The following THADA variants were observed in gnomAD, a reference collection of about 807,000 sequenced individuals.
THADA encodes THADA armadillo repeat containing.
THADA carries 213 observed loss-of-function variants against 219.8 expected under a neutral mutation model. The ratio of observed to expected loss-of-function variants is 0.97; its 90% CI spans 0.87 to 1.09. The LOEUF (loss-of-function observed/expected upper bound fraction) is 1.09, where lower values mean the gene tolerates loss of function less well. Among genes scored for constraint, THADA ranks in the 50% least tolerant of loss-of-function variants. The probability of loss-of-function intolerance (pLI) is 0.00; values close to 1 mark genes in which losing one functional copy is unlikely to be tolerated. For synonymous variants in THADA, 1,018 were observed against 828.9 expected (o/e 1.23, Z -3.92); for missense variants, 2,956 against 2,311.3 (o/e 1.28, Z -5.72).
chr2:43,310,227 C>CTTT (rs760517670), intron 31 of THADA, among the ~76,000 whole-genome samples: 7,763 of 44,960 alleles, frequency 0.17, 469 homozygotes, highest in South Asian at 0.4. Context: ...CCCTTTCCCG[C>CTTT]CCCCCCCCCA....
chr2:43,444,771 C>T (rs373086486), intron 26 of THADA, among the ~76,000 whole-genome samples: 2 of 152,178 alleles, frequency 1.3e-5, no homozygotes, highest in African/African-American at 4.8e-5. Context: ...CTTATACACA[C>T]ATCCCATATC....
intron 29 of THADA, among the ~76,000 whole-genome samples, chr2:43,346,068 T>C (rs1667595454): frequency 6.6e-6 from 1 of 151,626 alleles, no homozygotes; most frequent in Non-Finnish European, 1.5e-5. Context: ...ACGAGACAAA[T>C]GGAGAGCCAG....
At chr2:43,404,179 T>C (rs955844782) in intron 28 of THADA, among the ~76,000 whole-genome samples, 2 of 152,084 alleles carry the variant, frequency 1.3e-5, no homozygotes, top group East Asian at 1.9e-4. Flanking sequence ...CTTCATCTTC[T>C]GAACTATGCT....
intron 27 of THADA, among the ~76,000 whole-genome samples, chr2:43,428,563 C>T (rs1678811514): frequency 6.6e-6 from 1 of 152,164 alleles, no homozygotes; most frequent in Non-Finnish European, 1.5e-5. Flanking sequence ...CAAGATCACG[C>T]CACTGCACTC....
intron 22 of THADA, among the ~76,000 whole-genome samples, chr2:43,515,883 A>G (rs1046003402): frequency 2.0e-5 from 3 of 152,144 alleles, no homozygotes; most frequent in Non-Finnish European, 4.4e-5. Context: ...TGGGGTGTCT[A>G]CTAGACATGC....
chr2:43,440,459 A>G (rs1680709329), intron 26 of THADA, among the ~76,000 whole-genome samples: 2 of 152,208 alleles, frequency 1.3e-5, no homozygotes, highest in South Asian at 4.1e-4. Context: ...ACAGGGAGAA[A>G]GCAAAATCAT....
At chr2:43,386,972 T>A (rs1279568687) in intron 29 of THADA, among the ~76,000 whole-genome samples, 4 of 152,080 alleles carry the variant, frequency 2.6e-5, no homozygotes, top group African/African-American at 9.7e-5. Context: ...TCCACGAGTT[T>A]CCTTTCTGAG....
intron 14 of THADA, 140 bp downstream of exon 14, chr2:43,570,248 A>T (rs1275356209): frequency 2.5e-6 from 2 of 798,870 alleles, no homozygotes; most frequent in Non-Finnish European, 3.8e-6. Flanking sequence ...AAGCACCAGA[A>T]ATAGGTAATA....
intron 14 of THADA, among the ~76,000 whole-genome samples, chr2:43,569,175 C>T (rs1699021154): frequency 6.6e-6 from 1 of 151,978 alleles, no homozygotes; most frequent in African/African-American, 2.4e-5. Flanking sequence ...TGGGGTCTTG[C>T]TATGTTGCCC....
chr2:43,361,616 T>C (rs1277052966), intron 29 of THADA, among the ~76,000 whole-genome samples: 1 of 152,250 alleles, frequency 6.6e-6, no homozygotes. Flanking sequence ...GACTTCTGCC[T>C]TTGGCAGTAT....
intron 22 of THADA, among the ~76,000 whole-genome samples, chr2:43,515,150 TTA>T (rs1691340290): frequency 1.9e-3 from 1 of 538 alleles, no homozygotes; most frequent in Non-Finnish European, 2.9e-3. Context: ...ATAATATATT[TTA>T]TATATTATAT....
chr2:43,326,768 C>A (rs770134717), intron 30 of THADA, among the ~76,000 whole-genome samples: 1 of 152,170 alleles, frequency 6.6e-6, no homozygotes, highest in African/African-American at 2.4e-5. Context: ...TCACACTGGA[C>A]AGCTGGGGTC....
intron 36 of THADA, among the ~76,000 whole-genome samples, chr2:43,268,710 G>A (rs553093517): frequency 2.0e-5 from 3 of 152,300 alleles, no homozygotes; most frequent in East Asian, 3.9e-4. Flanking sequence ...CCTCTCCTGG[G>A]CCCCACCCCT....
chr2:43,548,678 C>G (rs568337866), intron 20 of THADA, among the ~76,000 whole-genome samples: 1 of 152,308 alleles, frequency 6.6e-6, no homozygotes, highest in African/African-American at 2.4e-5. Flanking sequence ...GAGCCAGGTG[C>G]GGGATATAAT....
chr2:43,273,780 A>G (rs1672406896), intron 36 of THADA, among the ~76,000 whole-genome samples: 1 of 151,964 alleles, frequency 6.6e-6, no homozygotes, highest in South Asian at 2.1e-4. Context: ...AGGCCTTTCT[A>G]TCTCTCTCCT....
rs1572791716 is a variant in THADA at position 43,255,041 on chromosome 2, G to C, written c.5297-22159C>G. On this transcript the variant is annotated intron_variant, in intron 36 of 37. Coordinates refer to ENST00000405975, the MANE Select transcript of THADA (RefSeq NM_022065.5). ...CTTTACTCCAGCTGGAAACTAAAGA[G>C]TGTAACTATTTAGTAAGTTTGGGAA... Among the ~76,000 whole-genome samples the C allele has an allele frequency of 4.6e-5, 7 of 152,300 alleles. No homozygotes were observed. The South Asian group carries it at 1.5e-3, about 32-fold the overall frequency.
chr2:43,582,491 C>T (rs1257422797), intron 7 of THADA, among the ~76,000 whole-genome samples: 2 of 137,642 alleles, frequency 1.5e-5, no homozygotes, highest in Admixed American at 7.0e-5. Context: ...AGCAAGACAC[C>T]ATCTTAAAAA....
At chr2:43,402,460 C>G (rs1485750617) in intron 28 of THADA, among the ~76,000 whole-genome samples, 1 of 152,176 alleles carries the variant, frequency 6.6e-6, no homozygotes, top group Non-Finnish European at 1.5e-5. Flanking sequence ...GACCATTCTG[C>G]TGAGATCATG....
intron 25 of THADA, chr2:43,491,989 C>A (rs1006052409): frequency 5.9e-5 from 9 of 152,054 alleles, no homozygotes; most frequent in African/African-American, 2.2e-4. Flanking sequence ...TCCTTTCTTG[C>A]ATGAAAAAGC....
Sources: gnomAD v4.1 joint callset for allele counts (sites outside exome capture counted in the v4.1 genomes callset) on GRCh38, gnomAD v4.1.1 for gene constraint, MANE v1.5 for transcripts, NCBI Gene and HGNC (gene_info 2026-07-23, HGNC 2026-07-21) for gene names.